Variants in CALD1 observed in about 807,000 individuals in gnomAD.
CALD1 encodes the protein caldesmon.
CALD1 carries 33 observed loss-of-function variants against 99.9 expected under a neutral mutation model. The ratio of observed to expected loss-of-function variants is 0.33; its 90% CI spans 0.25 to 0.44. CALD1 has a LOEUF of 0.44. Among genes scored for constraint, CALD1 ranks in the 20% least tolerant of loss-of-function variants. The pLI is 1.00. For missense variants in CALD1, 861 were observed against 962.1 expected, an observed-to-expected ratio of 0.89 and a Z score of 1.39; for synonymous variants, 310 against 325.0, an observed-to-expected ratio of 0.95 and a Z score of 0.50.
intron 3 of CALD1, among the ~76,000 whole-genome samples, chr7:134,878,556 G>A (rs963661839): frequency 1.2e-4 from 18 of 152,210 alleles, no homozygotes; most frequent in Admixed American, 3.3e-4. Flanking sequence ...GTGATAGAGC[G>A]AGACCCTGCC....
At chr7:134,932,740 C>T (rs1260848018) in intron 4 of CALD1, among the ~76,000 whole-genome samples, 1 of 152,186 alleles carries the variant, frequency 6.6e-6, no homozygotes, top group African/African-American at 2.4e-5. Context: ...TTGAAAACTG[C>T]TCCCAGGGGA....
intron 1 of CALD1, among the ~76,000 whole-genome samples, chr7:134,749,957 G>A (rs1446114884): frequency 6.6e-6 from 1 of 152,064 alleles, no homozygotes; most frequent in African/African-American, 2.4e-5. Context: ...CTTCTATAAG[G>A]GAACCATAGA....
At chr7:134,748,715 G>GGC (rs1554421203) in intron 1 of CALD1, among the ~76,000 whole-genome samples, 1 of 137,978 alleles carries the variant, frequency 7.2e-6, no homozygotes, top group East Asian at 2.2e-4. Context: ...CCATCCCCCC[G>GGC]CCCCCCAAAA....
intron 13 of CALD1, among the ~76,000 whole-genome samples, chr7:134,964,719 C>T (rs999539047): frequency 1.3e-5 from 2 of 152,026 alleles, no homozygotes; most frequent in Non-Finnish European, 2.9e-5. Context: ...CTTATCAAAC[C>T]CCAAATTAAT....
At chr7:134,913,171 C>A (rs1467487453) in intron 3 of CALD1, among the ~76,000 whole-genome samples, 1 of 152,106 alleles carries the variant, frequency 6.6e-6, no homozygotes, top group African/African-American at 2.4e-5. Context: ...GAGGCTAAGG[C>A]AGGAGAATTG....
chr7:134,792,773 C>T (rs984099328), intron 1 of CALD1, among the ~76,000 whole-genome samples: 1 of 152,156 alleles, frequency 6.6e-6, no homozygotes, highest in East Asian at 1.9e-4. Context: ...CATAGTATGT[C>T]CCAACTCACA....
At chr7:134,897,468 T>C (rs1802660184) in intron 3 of CALD1, among the ~76,000 whole-genome samples, 1 of 151,612 alleles carries the variant, frequency 6.6e-6, no homozygotes, top group Admixed American at 6.6e-5. Context: ...TCTGATATTT[T>C]CTATACGATT....
chr7:134,916,764 A>G (rs1176627239), intron 3 of CALD1, among the ~76,000 whole-genome samples: 1 of 152,198 alleles, frequency 6.6e-6, no homozygotes, highest in Admixed American at 6.5e-5. Context: ...TACCGATGTG[A>G]TAGTGGTACC....
intron 1 of CALD1, among the ~76,000 whole-genome samples, chr7:134,765,754 G>A (rs1299541759): frequency 6.6e-6 from 1 of 152,148 alleles, no homozygotes; most frequent in Non-Finnish European, 1.5e-5. Flanking sequence ...TCTTGGTGCT[G>A]CCCTCAAAGG....
At chr7:134,901,961 A>G (rs1309182008) in intron 3 of CALD1, among the ~76,000 whole-genome samples, 1 of 151,982 alleles carries the variant, frequency 6.6e-6, no homozygotes, top group Admixed American at 6.6e-5. Flanking sequence ...GGGGGTTAAG[A>G]CTTTAACATA....
the CALD1 span, among the ~76,000 whole-genome samples, chr7:134,713,461 T>C: frequency 6.6e-6 from 1 of 152,188 alleles, no homozygotes; most frequent in East Asian, 1.9e-4. Flanking sequence ...GAGTGAAAGC[T>C]GGGGGCTCCG....
chr7:134,955,888 G>C (rs1419762627), intron 9 of CALD1, among the ~76,000 whole-genome samples: 1 of 152,098 alleles, frequency 6.6e-6, no homozygotes. Flanking sequence ...GATAAAAATA[G>C]GATAGATGGA....
intron 3 of CALD1, among the ~76,000 whole-genome samples, chr7:134,895,144 G>A (rs1349799874): frequency 6.8e-6 from 1 of 147,838 alleles, no homozygotes; most frequent in Non-Finnish European, 1.5e-5. Context: ...TAAATAATTG[G>A]CACAATTTTT....
intron 3 of CALD1, among the ~76,000 whole-genome samples, chr7:134,923,665 T>C (rs1804777135): frequency 6.6e-6 from 1 of 152,240 alleles, no homozygotes; most frequent in Non-Finnish European, 1.5e-5. Context: ...TGTCAACATT[T>C]TGTCTTTCAC....
intron 1 of CALD1, among the ~76,000 whole-genome samples, chr7:134,747,374 G>C (rs1796643868): frequency 6.6e-6 from 1 of 152,210 alleles, no homozygotes; most frequent in South Asian, 2.1e-4. Flanking sequence ...CAGTGTGAAA[G>C]AATTCTGTTT....
the CALD1 span, among the ~76,000 whole-genome samples, chr7:134,729,238 A>G: frequency 1.4e-3 from 217 of 152,352 alleles, 1 homozygote; most frequent in Non-Finnish European, 1.9e-3. Context: ...TTCCTGCACA[A>G]CTTAGCACAT....
intron 1 of CALD1, among the ~76,000 whole-genome samples, chr7:134,765,569 A>C (rs1433069207): frequency 1.3e-5 from 2 of 152,208 alleles, no homozygotes; most frequent in African/African-American, 4.8e-5. Flanking sequence ...TTTTATGAGA[A>C]GGGCAGGTAC....
intron 11 of CALD1, among the ~76,000 whole-genome samples, chr7:134,959,165 G>T (rs1306506346): frequency 4.0e-5 from 6 of 150,688 alleles, no homozygotes; most frequent in Admixed American, 2.7e-4. Flanking sequence ...TTTTTTGTTT[G>T]TTTTTTTGTT....
chr7:134,777,203 A>G (rs1378124577), upstream of CALD1, among the ~76,000 whole-genome samples: 1 of 152,170 alleles, frequency 6.6e-6, no homozygotes, highest in Non-Finnish European at 1.5e-5. Context: ...AAAAAGTAAA[A>G]GGACAAAGAA....
Sources: gnomAD v4.1 joint callset for allele counts (sites outside exome capture counted in the v4.1 genomes callset) on GRCh38, gnomAD v4.1.1 for gene constraint, MANE v1.5 for transcripts, NCBI Gene and HGNC (gene_info 2026-07-23, HGNC 2026-07-21) for gene names.